The following USP54 variants were observed in gnomAD, a reference collection of about 807,000 sequenced individuals.
USP54 encodes the protein ubiquitin specific peptidase 54, also known as ubiquitin carboxyl-terminal hydrolase 54.
A neutral mutation model predicts 170.5 loss-of-function variants in USP54; 87 were observed. The observed-to-expected ratio is 0.51, with a 90% CI of 0.43 to 0.61. USP54 has a LOEUF of 0.61. Among genes scored for constraint, USP54 ranks in the 20% least tolerant of loss-of-function variants. The pLI, the probability that USP54 is intolerant of heterozygous loss-of-function variation, is 0.00. For missense variants in USP54, 1,786 were observed against 2,047.8 expected, an observed-to-expected ratio of 0.87 and a Z score of 2.47; for synonymous variants, 655 against 742.8, an observed-to-expected ratio of 0.88 and a Z score of 1.92.
chr10:73,528,646 T>G (rs1419919193), intron 15 of USP54, among the ~76,000 whole-genome samples: 1 of 151,840 alleles, frequency 6.6e-6, no homozygotes, highest in Non-Finnish European at 1.5e-5. Context: ...CTCGGCTCAT[T>G]ACCACCTCCA....
intron 4 of USP54, among the ~76,000 whole-genome samples, chr10:73,557,243 AG>A (rs1391623831): frequency 6.6e-6 from 1 of 152,214 alleles, no homozygotes; most frequent in Non-Finnish European, 1.5e-5. Flanking sequence ...AACTTAGGTC[AG>A]AAAAAATATT....
chr10:73,498,743 A>T lies in USP54; in HGVS notation c.4941T>A (p.Tyr1647Ter). The stretch of plus-strand genomic sequence containing the variant: ...TTCTCCTGTGTCCAGAGTGGGAGGC[A>T]TAACTGCTTTGCCTCCAGTCATCAT... ...PPDDDWRQSSYASHSGHRRTV... is the reference protein window; with the variant it reads ...PPDDDWRQSS The change falls in exon 24 of 24, where the codon TAT (tyrosine) becomes TAA (stop). Residue 1647 changes from tyrosine to a stop codon, truncating the protein, a stop_gained. Transcript: ENST00000687698. LOFTEE classifies it high-confidence loss of function. 1.9e-6 allele frequency: 3 copies of T among 1,613,956 alleles called. No homozygotes were observed. Among genetic ancestry groups the T allele is most frequent in the Non-Finnish European group, 2.5e-6 (3 of 1,179,922 alleles).
At chr10:73,624,094 A>G (rs1324906147) in intron 1 of USP54, among the ~76,000 whole-genome samples, 2 of 148,488 alleles carry the variant, frequency 1.3e-5, no homozygotes, top group Non-Finnish European at 3.0e-5. Context: ...ACTCTAACAT[A>G]TATCAAATAA....
chr10:73,563,467 C>T (rs1257530967), intron 4 of USP54, among the ~76,000 whole-genome samples: 2 of 151,968 alleles, frequency 1.3e-5, no homozygotes, highest in Non-Finnish European at 2.9e-5. Context: ...TATGGAGTTT[C>T]GCTCTTGTTG....
intron 1 of USP54, among the ~76,000 whole-genome samples, chr10:73,600,842 G>C (rs1372491421): frequency 6.6e-6 from 1 of 152,082 alleles, no homozygotes; most frequent in East Asian, 1.9e-4. Context: ...TGAACCCGGG[G>C]GGCGGAGGTT....
intron 4 of USP54, among the ~76,000 whole-genome samples, chr10:73,555,584 G>T (rs1049512534): frequency 6.6e-6 from 1 of 152,146 alleles, no homozygotes; most frequent in African/African-American, 2.4e-5. Flanking sequence ...CCACAGAAAG[G>T]TATTGCTTTT....
intron 21 of USP54, 138 bp from the exon 22 acceptor site, chr10:73,505,128 G>A (rs1014178023): frequency 1.9e-5 from 25 of 1,336,338 alleles, no homozygotes; most frequent in Non-Finnish European, 2.4e-5. Flanking sequence ...GTATTGGTAA[G>A]ATAGTGGCCA....
At chr10:73,604,245 C>A in intron 1 of USP54, among the ~76,000 whole-genome samples, 1 of 151,838 alleles carries the variant, frequency 6.6e-6, no homozygotes, top group East Asian at 1.9e-4. Context: ...GAGAGTCCAT[C>A]TCAAAAAAAC....
chr10:73,551,713 A>C (rs1330381477), intron 4 of USP54, among the ~76,000 whole-genome samples: 2 of 152,240 alleles, frequency 1.3e-5, no homozygotes, highest in Non-Finnish European at 2.9e-5. Context: ...ATTACTGCTG[A>C]CATAGGCTCT....
intron 4 of USP54, among the ~76,000 whole-genome samples, chr10:73,564,860 C>G (rs1276322784): frequency 7.7e-6 from 1 of 129,482 alleles, no homozygotes; most frequent in Non-Finnish European, 1.6e-5. Flanking sequence ...GCCAGGAATT[C>G]AAGACCAGCC....
intron 17 of USP54, among the ~76,000 whole-genome samples, chr10:73,522,545 A>G (rs985741198): frequency 2.0e-5 from 3 of 152,256 alleles, no homozygotes; most frequent in Non-Finnish European, 4.4e-5. Flanking sequence ...AAAAGGAGAG[A>G]AATGACAAGA....
intron 1 of USP54, among the ~76,000 whole-genome samples, chr10:73,581,708 T>A (rs1411425779): frequency 6.6e-6 from 1 of 152,192 alleles, no homozygotes; most frequent in African/African-American, 2.4e-5. Flanking sequence ...TACTAATAAA[T>A]TTGTATTTTA....
chr10:73,552,082 G>T (rs1416062608), intron 4 of USP54, among the ~76,000 whole-genome samples: 1 of 152,150 alleles, frequency 6.6e-6, no homozygotes, highest in African/African-American at 2.4e-5. Flanking sequence ...ATGGTTAAGA[G>T]ACTGGATTCT....
At position 73,500,752 on chromosome 10, in the gene USP54, C is replaced by G; in HGVS notation, c.4398G>C (p.Val1466=). The part of the protein sequence containing the change: ...SSLPVIHDPS[V]FLLGPQLYLP... Reference sequence around the variant, plus strand: ...GGTAGAGTTGGGGACCGAGGAGAAACACAGAAGGGTCATGGATGACAGGGA... The same window carrying G: ...GGTAGAGTTGGGGACCGAGGAGAAAGACAGAAGGGTCATGGATGACAGGGA... The change falls in exon 23 of 24, where the codon GTG becomes GTC. Residue 1466 remains valine (V), a synonymous_variant. Transcript: ENST00000687698. 6.2e-7 allele frequency: 1 copy of G among 1,603,032 alleles called. No individual in the cohort carries two copies. The highest frequency in any genetic ancestry group is 8.5e-7 in the Non-Finnish European group (1 of 1,175,740).
At chr10:73,566,621 C>T (rs1017614769) in intron 4 of USP54, among the ~76,000 whole-genome samples, 3 of 151,718 alleles carry the variant, frequency 2.0e-5, no homozygotes, top group Non-Finnish European at 4.4e-5. Context: ...ATCCCACCTA[C>T]TTGGGAGGCT....
rs1048394237 is a variant in USP54 at position 73,620,454 on chromosome 10, A to C, written c.-18+5113T>G. ...TATCAATACTTCATTAATGGTATTT[A>C]TCATTCTCACTTAGGTTTCTGGGGA... On this transcript the variant is annotated intron_variant, in intron 1 of 22. Coordinates refer to the USP54 transcript ENST00000339859. Among the ~76,000 whole-genome samples the C allele has an allele frequency of 1.5e-4, 22 of 149,118 alleles. 1 individual carries two copies. The highest frequency in any genetic ancestry group is 5.6e-4 in the African/African-American group (22 of 39,208).
intron 3 of USP54, among the ~76,000 whole-genome samples, chr10:73,571,740 G>A (rs2075241575): frequency 6.6e-6 from 1 of 152,122 alleles, no homozygotes; most frequent in African/African-American, 2.4e-5. Context: ...TAAAGTGAAG[G>A]TAATACAGTT....
chr10:73,546,974 T>C (rs775898298), intron 4 of USP54, among the ~76,000 whole-genome samples: 3 of 152,232 alleles, frequency 2.0e-5, no homozygotes, highest in Non-Finnish European at 4.4e-5. Context: ...ATTTCGTCTT[T>C]CTGGGTCCTT....
chr10:73,587,527 G>A lies in USP54; in HGVS notation c.-582+3751C>T, dbSNP rs189530928. ...AGGGCCAACAATATTGCAGAACCTC[G>A]GGAGGTAACATGCTTTTAGTGGAGA... On this transcript the variant is annotated intron_variant, in intron 1 of 23. Coordinates refer to ENST00000687698, the MANE Select transcript of USP54 (RefSeq NM_001391956.1). 2.2e-4 allele frequency among the ~76,000 whole-genome samples: 34 copies of A among 152,120 alleles called. No individual in the cohort carries two copies. In the East Asian group the frequency reaches 4.6e-3, roughly 21 times the overall value.
Sources: allele counts gnomAD v4.1 joint callset (sites outside exome capture counted in the v4.1 genomes callset), GRCh38; gene constraint gnomAD v4.1.1; transcripts MANE v1.5; gene names NCBI Gene and HGNC (gene_info 2026-07-23, HGNC 2026-07-21).